The following NMRK1 variants were observed in gnomAD, a reference collection of about 807,000 sequenced individuals.
NMRK1 encodes the protein nicotinamide riboside kinase 1, also known as NRK 1.
In NMRK1, 28 loss-of-function variants were observed where a neutral mutation model predicts 29.9. The ratio of observed to expected loss-of-function variants is 0.94; its 90% CI spans 0.69 to 1.28. The LOEUF is 1.28. NMRK1 is among the 50% of genes most tolerant of loss of function. The pLI is 0.00. For missense variants in NMRK1, 218 were observed against 233.1 expected, an observed-to-expected ratio of 0.94 and a Z score of 0.42; for synonymous variants, 58 against 73.0, an observed-to-expected ratio of 0.79 and a Z score of 1.05.
At chr9:75,061,739 C>G (rs1377902706) in intron 8 of NMRK1, among the ~76,000 whole-genome samples, 172 bp from the exon 9 acceptor site, 1 of 152,130 alleles carries the variant, frequency 6.6e-6, no homozygotes, top group South Asian at 2.1e-4. Context: ...TCTTTTAATC[C>G]CTGCATTAAA....
intron 8 of NMRK1, among the ~76,000 whole-genome samples, chr9:75,062,860 C>T (rs1214095711): frequency 3.3e-5 from 5 of 152,112 alleles, no homozygotes; most frequent in East Asian, 1.9e-4. Flanking sequence ...AGCAAAACCC[C>T]GTCTTAACTA....
At chr9:75,066,188 G>A (rs962351813) in intron 8 of NMRK1, 29 of 484,238 alleles carry the variant, frequency 6.0e-5, no homozygotes, top group African/African-American at 5.1e-4. Context: ...AGGCATAAAT[G>A]AGTTAATCCA....
At chr9:75,078,367 C>T in intron 2 of NMRK1, 1 of 1,572,060 alleles carries the variant, frequency 6.4e-7, no homozygotes, top group South Asian at 1.2e-5. Context: ...TTTTCCCCAT[C>T]TCTCTCCACC....
rs555413305 is a variant in NMRK1, at chr9:75,061,794, T to C, written c.581-227A>G. ...TATCAGATAGATATCCAATATCACTTGTAGTTCGTATAGTAATCCTTGACT... is the reference window on the plus strand; with the variant it reads ...TATCAGATAGATATCCAATATCACTCGTAGTTCGTATAGTAATCCTTGACT... On this transcript the variant is annotated intron_variant, in intron 8 of 8. Transcript: ENST00000361092. 3.9e-5 allele frequency among the ~76,000 whole-genome samples: 6 copies of C among 152,348 alleles called. No individual in the cohort carries two copies. In the East Asian group the frequency reaches 1.2e-3, roughly 29 times the overall value.
rs546681140 is a variant in NMRK1 at position 75,066,913 on chromosome 9, A to T, written c.497-73T>A. 31 of 814,462 alleles carry T rather than the reference A, an allele frequency of 3.8e-5. No homozygotes were observed. In the Admixed American group the frequency reaches 5.5e-4, roughly 14 times the overall value. The allele number at this position is 814,462 out of a possible 1,614,324, so 50.5% of individuals were successfully genotyped here. ...TATACAATGTTTACTTTGACACCCA[A>T]CATCTCTTGTAAATGCCAATAGGTT... On this transcript the variant is annotated intron_variant, in intron 7 of 8. Transcript: ENST00000361092.
chr9:75,086,425 C>G (rs1824635942), intron 1 of NMRK1, among the ~76,000 whole-genome samples: 1 of 152,192 alleles, frequency 6.6e-6, no homozygotes, highest in Non-Finnish European at 1.5e-5. Context: ...CAAGGCTTTC[C>G]TCAACAGCGG....
intron 8 of NMRK1, among the ~76,000 whole-genome samples, chr9:75,066,078 G>A (rs767630339): frequency 1.3e-5 from 2 of 152,126 alleles, no homozygotes; most frequent in African/African-American, 4.8e-5. Flanking sequence ...AATGTTGGAG[G>A]TTGCAAATTA....
At chr9:75,086,041 C>T (rs1191468786) in intron 1 of NMRK1, among the ~76,000 whole-genome samples, 1 of 151,894 alleles carries the variant, frequency 6.6e-6, no homozygotes, top group Non-Finnish European at 1.5e-5. Flanking sequence ...CTGTCCACCT[C>T]CACATCACAT....
intron 6 of NMRK1, 163 bp downstream of exon 6, chr9:75,069,579 T>C: frequency 1.6e-6 from 1 of 629,554 alleles, no homozygotes; most frequent in East Asian, 2.9e-5. Flanking sequence ...TCCATGCGGA[T>C]GACCATTTAT....
At chr9:75,067,361 C>T (rs564637734) in intron 7 of NMRK1, among the ~76,000 whole-genome samples, 1 of 149,132 alleles carries the variant, frequency 6.7e-6, no homozygotes, top group African/African-American at 2.5e-5. Flanking sequence ...GTGTTTTCTG[C>T]TATCAGAGAA....
chr9:75,085,554 C>T (rs1473929952), intron 1 of NMRK1, among the ~76,000 whole-genome samples: 1 of 151,976 alleles, frequency 6.6e-6, no homozygotes, highest in Non-Finnish European at 1.5e-5. Context: ...TAAACTGCCA[C>T]ATCTGTGGTT....
At chr9:75,083,523 A>G (rs1587408021) in intron 1 of NMRK1, among the ~76,000 whole-genome samples, 1 of 152,220 alleles carries the variant, frequency 6.6e-6, no homozygotes, top group East Asian at 1.9e-4. Context: ...ACTCATTATC[A>G]GTGAGGGAGG....
Position 75,069,118 on chromosome 9 carries a change from G to A in NMRK1, c.390-16C>T. ...GACCCTTGTACTATCAAAACACGTA[G>A]GAAACTTTATGTTGACAGAAACACA... is the stretch of plus-strand genomic sequence containing the variant. On this transcript the variant is annotated splice_polypyrimidine_tract_variant and intron_variant, in intron 6 of 8. Coordinates refer to ENST00000361092, the MANE Select transcript of NMRK1 (RefSeq NM_017881.3). The A allele has an allele frequency of 6.4e-7, 1 of 1,554,760 alleles. No homozygotes were observed. Among genetic ancestry groups the A allele is most frequent in the Non-Finnish European group, 8.9e-7 (1 of 1,128,680 alleles).
intron 2 of NMRK1, chr9:75,078,474 G>T: frequency 6.8e-7 from 1 of 1,468,284 alleles, no homozygotes. Flanking sequence ...GGGGCACTGA[G>T]TTACTCCTCT....
At position 75,077,266 on chromosome 9, in the gene NMRK1, T is replaced by G; in HGVS notation, c.121-59A>C. 4 of 1,186,346 alleles carry G rather than the reference T, an allele frequency of 3.4e-6. No individual in the cohort carries two copies. The East Asian group carries it at 9.4e-5, about 28-fold the overall frequency. The allele number at this position is 1,186,346 out of a possible 1,614,324, so 73.5% of individuals were successfully genotyped here. On this transcript the variant is annotated intron_variant, in intron 3 of 8. Transcript: ENST00000361092. ...GTGTAGGAAAGAAATAATACAATTA[T>G]AGACTAAAAAGGAGAGAAGTCTTTA... is the stretch of plus-strand genomic sequence containing the variant.
Position 75,083,124 on chromosome 9 carries a change from T to G in NMRK1, c.-9A>C. ...ATGATAAATGTTTTCATAATTAGCT[T>G]TGAAAATCACAGCTTCCTAATATTT... is the stretch of plus-strand genomic sequence containing the variant. On this transcript the variant is annotated 5_prime_UTR_variant, in exon 2 of 9. Transcript: ENST00000361092. The G allele has an allele frequency of 6.3e-7, 1 of 1,582,630 alleles. No homozygotes were observed. Among genetic ancestry groups the G allele is most frequent in the Non-Finnish European group, 8.7e-7 (1 of 1,151,384 alleles).
chr9:75,062,267 T>C (rs184176497), intron 8 of NMRK1, among the ~76,000 whole-genome samples: 148 of 152,314 alleles, frequency 9.7e-4, no homozygotes, highest in African/African-American at 3.2e-3. Flanking sequence ...TAAGTGATCT[T>C]ATGTTAATTT....
At chr9:75,077,438 G>T in intron 3 of NMRK1, 52 bp downstream of exon 3, 1 of 1,254,138 alleles carries the variant, frequency 8.0e-7, no homozygotes, top group Non-Finnish European at 1.2e-6. Flanking sequence ...AATTAACGTG[G>T]TGGTTAAACA....
rs775755818 is a variant in NMRK1 at position 75,066,795 on chromosome 9, A to G, written c.542T>C (p.Val181Ala). ...TKSEEDLFLQ[V>A]YEDLIQELAK... ...TAGTTCTTGTATTAGATCTTCATAT[A>G]CTTGCAAAAAGAGGTCCTCTTCAGA... Residue 181 changes from valine to alanine, a missense_variant, in exon 8 of 9, where the codon GTA becomes GCA. By Grantham distance (64) the Val-to-Ala change is moderately conservative (BLOSUM62 0). Coordinates refer to ENST00000361092, the MANE Select transcript of NMRK1 (RefSeq NM_017881.3). 9.3e-6 allele frequency: 15 copies of G among 1,610,040 alleles called. No homozygotes were observed. Among genetic ancestry groups the G allele is most frequent in the East Asian group, 8.9e-5 (4 of 44,834 alleles).
Sources: gnomAD v4.1 joint callset for allele counts (sites outside exome capture counted in the v4.1 genomes callset) on GRCh38, gnomAD v4.1.1 for gene constraint, MANE v1.5 for transcripts, NCBI Gene and HGNC (gene_info 2026-07-23, HGNC 2026-07-21) for gene names.